APBB1IP: variants seen among roughly 807,000 people sequenced by gnomAD.
APBB1IP encodes amyloid beta A4 precursor protein-binding family B member 1-interacting protein.
In APBB1IP, 27 loss-of-function variants were observed where a neutral mutation model predicts 64.9. That is an observed-to-expected ratio of 0.42 (90% CI 0.31 to 0.57). The LOEUF (loss-of-function observed/expected upper bound fraction) is 0.57, where lower values mean the gene tolerates loss of function less well. Among genes scored for constraint, APBB1IP ranks in the 20% least tolerant of loss-of-function variants. APBB1IP has a pLI of 0.20. For synonymous variants in APBB1IP, 392 were observed against 331.0 expected (o/e 1.18, Z -2.00); for missense variants, 812 against 845.5 (o/e 0.96, Z 0.49).
chr10:26,563,349 T>C lies in APBB1IP; in HGVS notation c.1473+920T>C, dbSNP rs1205974852. On this transcript the variant is annotated intron_variant, in intron 14 of 14. Transcript: ENST00000376236. ...GCCTGGGTGACAGATAAAGACCCTG[T>C]CTTAAAAAAAAGAAAAAAGATAAAG... Among the ~76,000 whole-genome samples the C allele has an allele frequency of 2.6e-5, 4 of 152,058 alleles. No homozygotes were observed. The South Asian group carries it at 8.3e-4, about 32-fold the overall frequency.
chr10:26,537,089 C>A (rs1360872592), intron 10 of APBB1IP, among the ~76,000 whole-genome samples: 1 of 151,904 alleles, frequency 6.6e-6, no homozygotes, highest in Non-Finnish European at 1.5e-5. Context: ...TAAATTATTC[C>A]TTGAAATGTA....
At chr10:26,536,727 C>T (rs1199569734) in intron 10 of APBB1IP, among the ~76,000 whole-genome samples, 2 of 127,046 alleles carry the variant, frequency 1.6e-5, no homozygotes, top group South Asian at 3.1e-4. Context: ...CCCCACCCCC[C>T]GCCAAGTAGC....
In APBB1IP at chr10:26,567,106, G is replaced by A. The variant is rs779947524; in HGVS notation, c.1619G>A (p.Gly540Asp). 1,297 of 1,438,504 alleles carry A rather than the reference G, an allele frequency of 9.0e-4. No homozygotes were observed. Among genetic ancestry groups the A allele is most frequent in the Non-Finnish European group, 1.1e-3 (1,220 of 1,110,424 alleles). 89.1% of individuals were successfully genotyped at this position (1,438,504 alleles called of 1,614,324 possible). ...CCCGCCACGCCCCTCAAGGCCAAGGGCACAGGCGGCGGGGGCTTGCCCGCC... is the reference window on the plus strand; with the variant it reads ...CCCGCCACGCCCCTCAAGGCCAAGGACACAGGCGGCGGGGGCTTGCCCGCC... ...GSPATPLKAK[G>D]TGGGGLPAPP... Residue 540 changes from glycine (G) to aspartate (D), a missense_variant, in exon 15 of 15, where the codon GGC (glycine) becomes GAC (aspartate). By Grantham distance (94) the Gly-to-Asp change is moderately conservative. Around this residue, in one of 3 missense-constraint regions of APBB1IP, gnomAD observed 381 missense variants for 352.1 expected, o/e 1.08. Coordinates refer to ENST00000376236, the MANE Select transcript of APBB1IP (RefSeq NM_019043.4).
At chr10:26,555,856 C>G (rs1019215460) in intron 11 of APBB1IP, among the ~76,000 whole-genome samples, 4 of 152,192 alleles carry the variant, frequency 2.6e-5, no homozygotes, top group Non-Finnish European at 5.9e-5. Context: ...GTCTTGGCCT[C>G]TCAAAGTGCT....
chr10:26,535,956 G>T, intron 9 of APBB1IP, 118 bp from the exon 10 acceptor site: 1 of 1,042,368 alleles, frequency 9.6e-7, no homozygotes. Context: ...CATTCGATCA[G>T]AGTTGTACAC....
intron 13 of APBB1IP, among the ~76,000 whole-genome samples, 159 bp downstream of exon 13, chr10:26,561,003 T>C (rs1836961393): frequency 6.7e-6 from 1 of 149,606 alleles, no homozygotes; most frequent in African/African-American, 2.4e-5. Context: ...AGCCCAGCCC[T>C]CACACACACA....
intron 8 of APBB1IP, among the ~76,000 whole-genome samples, chr10:26,528,218 G>T (rs888374459): frequency 2.0e-5 from 3 of 152,178 alleles, no homozygotes; most frequent in African/African-American, 7.2e-5. Context: ...TCTGGGGGAA[G>T]TTACTGCCCA....
At chr10:26,478,867 T>C (rs980815365) in intron 2 of APBB1IP, among the ~76,000 whole-genome samples, 1 of 152,080 alleles carries the variant, frequency 6.6e-6, no homozygotes, top group Non-Finnish European at 1.5e-5. Flanking sequence ...GGAGGCTCCC[T>C]TTTAAAAAGA....
At chr10:26,542,181 G>A (rs1040081114) in intron 11 of APBB1IP, among the ~76,000 whole-genome samples, 2 of 151,964 alleles carry the variant, frequency 1.3e-5, no homozygotes, top group Non-Finnish European at 2.9e-5. Flanking sequence ...TTTTGAGACC[G>A]AGTCTCACTC....
chr10:26,560,077 A>G, intron 11 of APBB1IP, 28 bp from the exon 12 acceptor site: 1 of 1,567,548 alleles, frequency 6.4e-7, no homozygotes, highest in Non-Finnish European at 8.8e-7. Context: ...ACAAGTGAAT[A>G]CATTGTCTCG....
At chr10:26,553,449 C>T (rs1274917549) in intron 11 of APBB1IP, among the ~76,000 whole-genome samples, 1 of 152,104 alleles carries the variant, frequency 6.6e-6, no homozygotes, top group Non-Finnish European at 1.5e-5. Flanking sequence ...AGCAGAAGTT[C>T]AAGACCAACC....
intron 2 of APBB1IP, among the ~76,000 whole-genome samples, chr10:26,442,947 G>A (rs781099408): frequency 6.6e-6 from 1 of 152,174 alleles, no homozygotes; most frequent in Non-Finnish European, 1.5e-5. Context: ...GTTCTCCACC[G>A]ACTCTGGGTG....
intron 8 of APBB1IP, among the ~76,000 whole-genome samples, chr10:26,531,502 C>T (rs1222892002): frequency 1.3e-5 from 2 of 152,024 alleles, no homozygotes; most frequent in African/African-American, 4.8e-5. Flanking sequence ...CCCATCTCTA[C>T]TAAAAATACA....
At chr10:26,526,516 C>T (rs529754968) in intron 8 of APBB1IP, among the ~76,000 whole-genome samples, 56 of 151,124 alleles carry the variant, frequency 3.7e-4, no homozygotes, top group African/African-American at 1.3e-3. Context: ...GTCAGGAGAT[C>T]AAGACCATCC....
At chr10:26,552,474 C>G (rs1421927336) in intron 11 of APBB1IP, among the ~76,000 whole-genome samples, 1 of 152,046 alleles carries the variant, frequency 6.6e-6, no homozygotes, top group African/African-American at 2.4e-5. Context: ...TGGTGCACAC[C>G]TGTAGTCCCA....
At chr10:26,478,267 C>T (rs1029746140) in intron 2 of APBB1IP, among the ~76,000 whole-genome samples, 2 of 152,188 alleles carry the variant, frequency 1.3e-5, no homozygotes, top group Non-Finnish European at 2.9e-5. Flanking sequence ...AATGCACGCT[C>T]ACAGGGTTCG....
At chr10:26,530,193 C>T (rs1836530945) in intron 8 of APBB1IP, among the ~76,000 whole-genome samples, 3 of 151,552 alleles carry the variant, frequency 2.0e-5, no homozygotes, top group Admixed American at 6.6e-5. Context: ...GTGCTAGATT[C>T]TCCCCTATGG....
chr10:26,526,165 T>C (rs1836470652), intron 8 of APBB1IP, among the ~76,000 whole-genome samples: 1 of 152,204 alleles, frequency 6.6e-6, no homozygotes, highest in South Asian at 2.1e-4. Flanking sequence ...GGACTGAGTA[T>C]GAACATGGAA....
At chr10:26,477,890 CT>C (rs1835793298) in intron 2 of APBB1IP, among the ~76,000 whole-genome samples, 1 of 152,156 alleles carries the variant, frequency 6.6e-6, no homozygotes, top group South Asian at 2.1e-4. Context: ...ATCCAACTAA[CT>C]TTTTAAAATT....
Sources: gnomAD v4.1 joint callset for allele counts (sites outside exome capture counted in the v4.1 genomes callset) on GRCh38, gnomAD v4.1.1 for gene constraint, gnomAD v4.1.1 regional missense constraint, MANE v1.5 for transcripts, NCBI Gene and HGNC (gene_info 2026-07-23, HGNC 2026-07-21) for gene names.